Variants in ASIC2 observed in about 807,000 individuals in gnomAD.
ASIC2 encodes acid sensing ion channel subunit 2.
Under a neutral mutation model 57.3 loss-of-function variants are expected in ASIC2, and 25 were observed. The ratio of observed to expected loss-of-function variants is 0.44; its 90% confidence interval spans 0.32 to 0.61. ASIC2 has a LOEUF of 0.61. Ranked by LOEUF, ASIC2 falls within the 20% of genes least tolerant of loss-of-function variation. The pLI is 0.06. For synonymous variants in ASIC2, 319 were observed against 307.5 expected (o/e 1.04, Z -0.39); for missense variants, 641 against 738.1 (o/e 0.87, Z 1.52).
intron 1 of ASIC2, among the ~76,000 whole-genome samples, chr17:33,160,442 A>G (rs1170594271): frequency 6.6e-6 from 1 of 152,180 alleles, no homozygotes; most frequent in Non-Finnish European, 1.5e-5. Flanking sequence ...CTTCAGGGCT[A>G]ACCTCAGTGT....
At chr17:33,930,037 AC>A (rs892810758) in intron 1 of ASIC2, among the ~76,000 whole-genome samples, 16 of 152,176 alleles carry the variant, frequency 1.1e-4, no homozygotes, top group Non-Finnish European at 2.1e-4. Flanking sequence ...TACAGGACAA[AC>A]TTTTTGCTTT....
chr17:33,484,177 G>C (rs1913504844), intron 1 of ASIC2, among the ~76,000 whole-genome samples: 3 of 152,220 alleles, frequency 2.0e-5, no homozygotes, highest in African/African-American at 7.2e-5. Context: ...CATTTGTGTT[G>C]TTTTAAGACA....
At chr17:34,107,474 A>AC (rs1911103651) in intron 1 of ASIC2, among the ~76,000 whole-genome samples, 1 of 152,196 alleles carries the variant, frequency 6.6e-6, no homozygotes, top group African/African-American at 2.4e-5. Context: ...ACGCCACTGT[A>AC]CCCCAGCATG....
At chr17:33,213,653 A>G (rs1276434948) in intron 1 of ASIC2, among the ~76,000 whole-genome samples, 1 of 152,152 alleles carries the variant, frequency 6.6e-6, no homozygotes, top group Non-Finnish European at 1.5e-5. Flanking sequence ...TGATCTGCCA[A>G]CTGGGTGAGT....
chr17:33,801,987 G>A (rs1303037822), intron 1 of ASIC2, among the ~76,000 whole-genome samples: 2 of 152,076 alleles, frequency 1.3e-5, no homozygotes, highest in Non-Finnish European at 2.9e-5. Flanking sequence ...GTTTCTCTCA[G>A]GCTAATTGGT....
chr17:33,971,338 C>T (rs569990485), intron 1 of ASIC2, among the ~76,000 whole-genome samples: 19 of 152,288 alleles, frequency 1.2e-4, no homozygotes, highest in Non-Finnish European at 2.4e-4. Flanking sequence ...GCCCCTGCTG[C>T]AACCTTCAGA....
chr17:34,013,873 C>T (rs1162097509), intron 1 of ASIC2, among the ~76,000 whole-genome samples: 2 of 152,208 alleles, frequency 1.3e-5, no homozygotes, highest in Non-Finnish European at 2.9e-5. Context: ...TTTCTTTACC[C>T]CGCAGCCCTC....
chr17:33,590,967 G>A (rs1026797907), intron 1 of ASIC2, among the ~76,000 whole-genome samples: 1 of 152,162 alleles, frequency 6.6e-6, no homozygotes, highest in Non-Finnish European at 1.5e-5. Context: ...GTCTGTGGGG[G>A]TAGAGAAGCC....
chr17:33,484,066 T>C (rs1185285419), intron 1 of ASIC2, among the ~76,000 whole-genome samples: 1 of 152,186 alleles, frequency 6.6e-6, no homozygotes, highest in African/African-American at 2.4e-5. Context: ...CACATTCTCT[T>C]CTCAGAACTT....
At chr17:33,992,639 A>C (rs1906035867) in intron 1 of ASIC2, among the ~76,000 whole-genome samples, 1 of 152,178 alleles carries the variant, frequency 6.6e-6, no homozygotes, top group South Asian at 2.1e-4. Flanking sequence ...CCCTGAGTTC[A>C]GTGGACTCTA....
At chr17:33,571,438 C>T (rs1169471055) in intron 1 of ASIC2, among the ~76,000 whole-genome samples, 3 of 152,184 alleles carry the variant, frequency 2.0e-5, no homozygotes, top group Non-Finnish European at 2.9e-5. Flanking sequence ...GTATACTTAG[C>T]GCAGAGTAGG....
intron 1 of ASIC2, among the ~76,000 whole-genome samples, chr17:33,698,440 T>C (rs1195837636): frequency 6.6e-6 from 1 of 152,244 alleles, no homozygotes; most frequent in Non-Finnish European, 1.5e-5. Context: ...ACGTTATTAT[T>C]AGCTGTCATT....
chr17:33,765,404 G>T (rs1032830084), intron 1 of ASIC2, among the ~76,000 whole-genome samples: 15 of 152,076 alleles, frequency 9.9e-5, no homozygotes, highest in Non-Finnish European at 1.9e-4. Context: ...CACCGCGCCC[G>T]GCGATGGAGC....
At chr17:33,390,841 T>C (rs557590972) in intron 1 of ASIC2, among the ~76,000 whole-genome samples, 2 of 152,328 alleles carry the variant, frequency 1.3e-5, no homozygotes, top group Admixed American at 1.3e-4. Flanking sequence ...TCAGAGGTAA[T>C]ATCTATCACT....
intron 1 of ASIC2, among the ~76,000 whole-genome samples, chr17:33,367,404 T>C (rs1307378522): frequency 1.3e-5 from 2 of 152,236 alleles, no homozygotes; most frequent in African/African-American, 4.8e-5. Context: ...CTTGAAGTAC[T>C]CCTAATTTGA....
At chr17:33,944,340 G>T (rs1916258600) in intron 1 of ASIC2, among the ~76,000 whole-genome samples, 1 of 152,244 alleles carries the variant, frequency 6.6e-6, no homozygotes, top group South Asian at 2.1e-4. Flanking sequence ...AACAGCAGGA[G>T]AAACAGCGCC....
intron 1 of ASIC2, among the ~76,000 whole-genome samples, chr17:33,174,279 G>C (rs947654173): frequency 1.3e-5 from 2 of 152,074 alleles, no homozygotes; most frequent in Admixed American, 6.5e-5. Flanking sequence ...AAATTAGCCA[G>C]GTGTGGTGGT....
At chr17:33,457,901 C>G (rs528015872) in intron 1 of ASIC2, among the ~76,000 whole-genome samples, 23 of 152,330 alleles carry the variant, frequency 1.5e-4, no homozygotes, top group African/African-American at 5.3e-4. Context: ...ATACTCAGGT[C>G]TGATTCTGGT....
chr17:33,875,096 G>A (rs114826518), intron 1 of ASIC2, among the ~76,000 whole-genome samples: 5 of 152,264 alleles, frequency 3.3e-5, no homozygotes, highest in African/African-American at 4.8e-5. Context: ...CCAGGAATGC[G>A]GGAATAATGC....
Sources: allele counts gnomAD v4.1 joint callset (sites outside exome capture counted in the v4.1 genomes callset), GRCh38; gene constraint gnomAD v4.1.1; transcripts MANE v1.5; gene names NCBI Gene and HGNC (gene_info 2026-07-23, HGNC 2026-07-21).